Variants in TRPM3 observed in about 807,000 individuals in gnomAD.
TRPM3 encodes long transient receptor potential channel 3.
Under a neutral mutation model 181.2 loss-of-function variants are expected in TRPM3, and 77 were observed. That is an observed-to-expected ratio of 0.42 (90% CI 0.35 to 0.51). The LOEUF (loss-of-function observed/expected upper bound fraction) is 0.51. TRPM3 is among the 20% of genes least tolerant of loss of function. The pLI, the probability that TRPM3 is intolerant of heterozygous loss-of-function variation, is 0.01. For missense variants in TRPM3, 1,759 were observed against 2,196.7 expected, an observed-to-expected ratio of 0.80 and a Z score of 3.98; for synonymous variants, 745 against 796.4, an observed-to-expected ratio of 0.94 and a Z score of 1.09.
rs2040601089 is a variant in TRPM3 at position 70,529,658 on chromosome 9, G to T, written c.*6295C>A. ...TACATGCATATATCATTCAGAACAA[G>T]AGTAACTCTGAATAAGGCGAGTTTC... On this transcript the variant is annotated 3_prime_UTR_variant, in exon 26 of 26. Coordinates refer to ENST00000677713, the MANE Select transcript of TRPM3 (RefSeq NM_001366145.2). 6.6e-6 allele frequency: 1 copy of T among 152,162 alleles called. No individual in the cohort carries two copies. Among genetic ancestry groups the T allele is most frequent in the Admixed American group, 6.5e-5 (1 of 15,292 alleles). 9.4% of individuals were successfully genotyped at this position (152,162 alleles called of 1,614,324 possible).
chr9:71,430,334 G>C (rs1403448752), intron 1 of TRPM3, among the ~76,000 whole-genome samples: 5 of 152,278 alleles, frequency 3.3e-5, no homozygotes, highest in African/African-American at 1.2e-4. Flanking sequence ...CAAAGGAAGA[G>C]GGTCAGCACA....
At chr9:71,300,705 C>T (rs2086689654) in intron 1 of TRPM3, among the ~76,000 whole-genome samples, 1 of 152,066 alleles carries the variant, frequency 6.6e-6, no homozygotes, top group South Asian at 2.1e-4. Flanking sequence ...TAAAAGTTTG[C>T]TAATAAAAGC....
intron 1 of TRPM3, among the ~76,000 whole-genome samples, chr9:71,406,022 T>A (rs2093429497): frequency 6.6e-6 from 1 of 152,156 alleles, no homozygotes; most frequent in South Asian, 2.1e-4. Flanking sequence ...ACACCTGTAA[T>A]CCCAGCACTT....
At chr9:70,936,121 A>C (rs568185358) in intron 1 of TRPM3, among the ~76,000 whole-genome samples, 1 of 152,354 alleles carries the variant, frequency 6.6e-6, no homozygotes, top group South Asian at 2.1e-4. Flanking sequence ...AAATAACTTT[A>C]TAATTTACTG....
intron 1 of TRPM3, among the ~76,000 whole-genome samples, chr9:70,997,691 T>A (rs536083861): frequency 2.0e-5 from 3 of 152,274 alleles, no homozygotes; most frequent in Admixed American, 6.5e-5. Flanking sequence ...CTCCACATGA[T>A]CTTTGTAGGC....
intron 22 of TRPM3, among the ~76,000 whole-genome samples, chr9:70,573,621 C>CA (rs990462593): frequency 3.1e-4 from 47 of 151,516 alleles, no homozygotes; most frequent in African/African-American, 1.0e-3. Flanking sequence ...AAACAAAAAA[C>CA]AAAAAAACCA....
chr9:71,324,493 AG>A (rs1327584163), intron 1 of TRPM3, among the ~76,000 whole-genome samples: 2 of 152,070 alleles, frequency 1.3e-5, no homozygotes, highest in African/African-American at 4.8e-5. Context: ...TGCAGAGAAA[AG>A]GGAACTCTTA....
At chr9:71,001,879 A>G (rs571956596) in intron 1 of TRPM3, among the ~76,000 whole-genome samples, 126 of 152,338 alleles carry the variant, frequency 8.3e-4, no homozygotes, top group African/African-American at 2.8e-3. Context: ...TGAAAGATAT[A>G]GAGGCTACAC....
At chr9:70,919,498 T>C (rs1158420945) in intron 1 of TRPM3, among the ~76,000 whole-genome samples, 1 of 152,196 alleles carries the variant, frequency 6.6e-6, no homozygotes, top group Non-Finnish European at 1.5e-5. Flanking sequence ...TAATCTTGCA[T>C]CCTGGCCAGG....
chr9:71,017,882 T>A (rs1451308494), intron 1 of TRPM3, among the ~76,000 whole-genome samples: 1 of 151,882 alleles, frequency 6.6e-6, no homozygotes. Flanking sequence ...GCATATATGT[T>A]CTTTCCAAGT....
rs572351551 is a variant in TRPM3, at chr9:71,301,769, T to TTTA, written c.183+144881_183+144883dup. Among the ~76,000 whole-genome samples the TTTA allele has an allele frequency of 1.1e-4, 17 of 152,204 alleles. 1 individual carries two copies. The South Asian group carries it at 2.1e-3, about 19-fold the overall frequency. On this transcript the variant is annotated intron_variant, in intron 1 of 24. Coordinates refer to the TRPM3 transcript ENST00000357533. ...AGCCAGTTGCTTCATTATAAAGTGC[T>TTTA]TTATTATTATTATTATAAGAACTGT...
rs182419283 is a variant in TRPM3 at position 70,698,005 on chromosome 9, C to T, written c.1273-16427G>A. Among the ~76,000 whole-genome samples the T allele has an allele frequency of 1.7e-4, 26 of 152,018 alleles. No homozygotes were observed. In the East Asian group the frequency reaches 4.5e-3, roughly 26 times the overall value. ...GGTAGATCACCTGAGGTCAGGAGTT[C>T]GAGACCAGCCTAGCCAACATGGTGA... is the stretch of plus-strand genomic sequence containing the variant. On this transcript the variant is annotated intron_variant, in intron 8 of 25. Coordinates refer to ENST00000677713, the MANE Select transcript of TRPM3 (RefSeq NM_001366145.2).
At chr9:71,073,464 A>C (rs2063041173) in intron 1 of TRPM3, among the ~76,000 whole-genome samples, 1 of 152,204 alleles carries the variant, frequency 6.6e-6, no homozygotes, top group South Asian at 2.1e-4. Context: ...TCTGAGCTTG[A>C]GAAAGTGTAG....
intron 1 of TRPM3, among the ~76,000 whole-genome samples, chr9:71,013,551 G>T (rs2097762479): frequency 6.6e-6 from 1 of 151,854 alleles, no homozygotes; most frequent in Non-Finnish European, 1.5e-5. Flanking sequence ...ATTTATGCAT[G>T]AGACTATCTG....
chr9:70,966,173 C>A lies in TRPM3; in HGVS notation c.178-101662G>T, dbSNP rs186728589. ...CTCAACATTACTGATTAGAGAAATG[C>A]AAATCAAAACCACAATGAGATACCA... On this transcript the variant is annotated intron_variant, in intron 1 of 25. Coordinates refer to ENST00000677713, the MANE Select transcript of TRPM3 (RefSeq NM_001366145.2). Among the ~76,000 whole-genome samples the A allele has an allele frequency of 4.3e-3, 656 of 151,842 alleles. 4 individuals are homozygous for A. The highest frequency in any genetic ancestry group is 0.011 in the Admixed American group (169 of 15,246).
intron 1 of TRPM3, among the ~76,000 whole-genome samples, chr9:71,036,045 T>C (rs638205): frequency 0.22 from 32,908 of 147,110 alleles, 4,416 homozygotes; most frequent in East Asian, 0.33. Flanking sequence ...AAAAGAAACA[T>C]TATCATCAGC....
intron 1 of TRPM3, among the ~76,000 whole-genome samples, chr9:71,129,861 A>G (rs1428839297): frequency 6.6e-6 from 1 of 152,118 alleles, no homozygotes; most frequent in African/African-American, 2.4e-5. Context: ...TTTTATTTGC[A>G]CGGCTGACTT....
chr9:71,306,500 A>T (rs2087335108), intron 1 of TRPM3, among the ~76,000 whole-genome samples: 1 of 152,180 alleles, frequency 6.6e-6, no homozygotes, highest in Admixed American at 6.5e-5. Context: ...TTTTTATATT[A>T]AAAAATCCAA....
At chr9:71,143,780 G>A (rs1242768065) in intron 1 of TRPM3, among the ~76,000 whole-genome samples, 1 of 152,132 alleles carries the variant, frequency 6.6e-6, no homozygotes, top group Admixed American at 6.5e-5. Flanking sequence ...CTTCCACAAT[G>A]GCTGAACTAA....
Sources: gnomAD v4.1 joint callset for allele counts (sites outside exome capture counted in the v4.1 genomes callset) on GRCh38, gnomAD v4.1.1 for gene constraint, MANE v1.5 for transcripts, NCBI Gene and HGNC (gene_info 2026-07-23, HGNC 2026-07-21) for gene names.